DNAJC1: variants seen among roughly 807,000 people sequenced by gnomAD.
The protein encoded by DNAJC1 is dnaJ homolog subfamily C member 1.
Under a neutral mutation model 76.6 loss-of-function variants are expected in DNAJC1, and 58 were observed. That is an observed-to-expected ratio of 0.76 (90% CI 0.61 to 0.94). The LOEUF (loss-of-function observed/expected upper bound fraction) is 0.94, where lower values mean the gene tolerates loss of function less well. DNAJC1 is among the 40% of genes least tolerant of loss of function. DNAJC1 has a pLI of 0.00. For synonymous variants in DNAJC1, 258 were observed against 267.9 expected, an observed-to-expected ratio of 0.96 and a Z score of 0.36; for missense variants, 689 against 677.3, an observed-to-expected ratio of 1.02 and a Z score of -0.19.
chr10:21,984,259 A>G lies in DNAJC1; in HGVS notation c.222+18954T>C, dbSNP rs185403774. 2.0e-4 allele frequency among the ~76,000 whole-genome samples: 31 copies of G among 152,334 alleles called. 2 individuals carry two copies. The highest frequency in any genetic ancestry group is 1.9e-3 in the Admixed American group (29 of 15,298). On this transcript the variant is annotated intron_variant, in intron 1 of 11. Coordinates refer to ENST00000376980, the MANE Select transcript of DNAJC1 (RefSeq NM_022365.4). ...GGCTGCTTATAAACAGAGACCCCAAATAACAGCTTAAAAAATGATAGAAGT... is the reference window on the plus strand; with the variant it reads ...GGCTGCTTATAAACAGAGACCCCAAGTAACAGCTTAAAAAATGATAGAAGT...
chr10:21,949,877 G>A (rs559260040), intron 1 of DNAJC1, among the ~76,000 whole-genome samples: 5 of 152,014 alleles, frequency 3.3e-5, no homozygotes, highest in African/African-American at 4.8e-5. Flanking sequence ...GTCATTTTGC[G>A]TGATGACCAG....
rs565417802 is a variant in DNAJC1, at chr10:21,982,399, T to C, written c.222+20814A>G. On this transcript the variant is annotated intron_variant, in intron 1 of 11. Transcript: ENST00000376980. ...GCAAAAAAAAGAAAAAAATAATAAA[T>C]TGGACCTCATCAAAATGAAAACCTT... is the stretch of plus-strand genomic sequence containing the variant. Among the ~76,000 whole-genome samples the C allele has an allele frequency of 5.9e-5, 9 of 152,158 alleles. No homozygotes were observed. In the East Asian group the frequency reaches 1.5e-3, roughly 26 times the overall value.
chr10:21,977,699 A>G (rs1053302226), intron 1 of DNAJC1, among the ~76,000 whole-genome samples: 1 of 152,086 alleles, frequency 6.6e-6, no homozygotes, highest in Non-Finnish European at 1.5e-5. Flanking sequence ...AACACATCCA[A>G]TACATATTTA....
chr10:21,967,403 A>G (rs2131824682), intron 1 of DNAJC1, among the ~76,000 whole-genome samples: 1 of 152,204 alleles, frequency 6.6e-6, no homozygotes, highest in East Asian at 1.9e-4. Flanking sequence ...TATTCTTTTA[A>G]GCACTTCCTT....
At chr10:21,791,315 A>G (rs1038668466) in intron 9 of DNAJC1, among the ~76,000 whole-genome samples, 2 of 152,234 alleles carry the variant, frequency 1.3e-5, no homozygotes, top group Non-Finnish European at 2.9e-5. Flanking sequence ...CCCCACACTC[A>G]GCAGTGGACA....
chr10:21,903,218 C>T (rs1365408777), intron 7 of DNAJC1, among the ~76,000 whole-genome samples: 2 of 152,118 alleles, frequency 1.3e-5, no homozygotes, highest in Non-Finnish European at 2.9e-5. Flanking sequence ...TGCGCCTGGC[C>T]GATATTCTTC....
intron 1 of DNAJC1, among the ~76,000 whole-genome samples, chr10:21,947,186 G>T (rs1324940541): frequency 6.6e-6 from 1 of 152,170 alleles, no homozygotes; most frequent in Non-Finnish European, 1.5e-5. Flanking sequence ...AATGTCCTGT[G>T]CATGATGTTG....
At chr10:21,853,096 C>T (rs1835781804) in intron 8 of DNAJC1, among the ~76,000 whole-genome samples, 1 of 152,192 alleles carries the variant, frequency 6.6e-6, no homozygotes, top group African/African-American at 2.4e-5. Flanking sequence ...TCCAAAGATT[C>T]CCTACTACAT....
At chr10:21,958,231 G>A (rs987072248) in intron 1 of DNAJC1, among the ~76,000 whole-genome samples, 1 of 151,656 alleles carries the variant, frequency 6.6e-6, no homozygotes, top group Non-Finnish European at 1.5e-5. Context: ...GAGAAATGAA[G>A]GTTTTTTTCT....
chr10:21,920,216 A>T (rs1837018902), intron 4 of DNAJC1, among the ~76,000 whole-genome samples: 1 of 152,012 alleles, frequency 6.6e-6, no homozygotes, highest in Non-Finnish European at 1.5e-5. Flanking sequence ...CATTCATCCA[A>T]CTTTAATAAT....
chr10:21,796,267 G>A (rs550219113), intron 9 of DNAJC1, among the ~76,000 whole-genome samples: 2 of 152,172 alleles, frequency 1.3e-5, no homozygotes, highest in Admixed American at 1.3e-4. Context: ...ACCTCACCCG[G>A]CCATTCCTTC....
chr10:21,912,789 G>C (rs1423225925), intron 6 of DNAJC1, among the ~76,000 whole-genome samples: 1 of 150,638 alleles, frequency 6.6e-6, no homozygotes, highest in African/African-American at 2.4e-5. Flanking sequence ...TGAATGTTCT[G>C]TTTGTTTGGT....
chr10:21,836,350 C>T (rs1218499435), intron 8 of DNAJC1, among the ~76,000 whole-genome samples: 3 of 152,134 alleles, frequency 2.0e-5, no homozygotes, highest in Admixed American at 6.6e-5. Flanking sequence ...AAGGAACAAC[C>T]AGTACCAGCC....
At chr10:21,956,441 C>A (rs1296889649) in intron 1 of DNAJC1, among the ~76,000 whole-genome samples, 2 of 151,448 alleles carry the variant, frequency 1.3e-5, no homozygotes, top group African/African-American at 4.8e-5. Flanking sequence ...TATTAATTAA[C>A]CATAGGTTTG....
chr10:21,953,364 A>G (rs1348722884), intron 1 of DNAJC1, among the ~76,000 whole-genome samples: 1 of 152,010 alleles, frequency 6.6e-6, no homozygotes, highest in Non-Finnish European at 1.5e-5. Flanking sequence ...CTAGATAGAA[A>G]TGTTTGACTC....
At chr10:21,973,082 A>G (rs1443555994) in intron 1 of DNAJC1, among the ~76,000 whole-genome samples, 1 of 152,138 alleles carries the variant, frequency 6.6e-6, no homozygotes, top group Non-Finnish European at 1.5e-5. Flanking sequence ...AATGAAATTA[A>G]TAAATACATA....
At chr10:21,776,980 A>G (rs992936079) in intron 9 of DNAJC1, among the ~76,000 whole-genome samples, 1 of 152,168 alleles carries the variant, frequency 6.6e-6, no homozygotes, top group Admixed American at 6.5e-5. Flanking sequence ...TTGCATTAAC[A>G]TGTAATAGCT....
chr10:21,981,182 ATATT>A (rs1838150593), intron 1 of DNAJC1, among the ~76,000 whole-genome samples: 1 of 152,170 alleles, frequency 6.6e-6, no homozygotes, highest in African/African-American at 2.4e-5. Context: ...TCCCCGTTTT[ATATT>A]TGTGCAAATG....
At chr10:21,865,438 G>C (rs1835982443) in intron 8 of DNAJC1, 1 of 152,090 alleles carries the variant, frequency 6.6e-6, no homozygotes, top group South Asian at 2.1e-4. Flanking sequence ...ATAAATTTCA[G>C]ACTTATGCTT....
Sources: allele counts gnomAD v4.1 joint callset (sites outside exome capture counted in the v4.1 genomes callset), GRCh38; gene constraint gnomAD v4.1.1; transcripts MANE v1.5; gene names NCBI Gene and HGNC (gene_info 2026-07-23, HGNC 2026-07-21).